The following P3H2 variants were observed in gnomAD, a reference collection of about 807,000 sequenced individuals.
P3H2 encodes prolyl 3-hydroxylase 2.
In P3H2, 80 loss-of-function variants were observed where a neutral mutation model predicts 87.0. The observed-to-expected ratio is 0.92, with a 90% CI of 0.77 to 1.11. The LOEUF (loss-of-function observed/expected upper bound fraction) is 1.11. P3H2 is among the 50% of genes least tolerant of loss of function. The pLI is 0.00. For synonymous variants in P3H2, 367 were observed against 359.3 expected, an observed-to-expected ratio of 1.02 and a Z score of -0.24; for missense variants, 1,001 against 923.9, an observed-to-expected ratio of 1.08 and a Z score of -1.08.
chr3:189,980,971 A>T (rs1484413174), intron 8 of P3H2, among the ~76,000 whole-genome samples: 1 of 152,188 alleles, frequency 6.6e-6, no homozygotes, highest in Non-Finnish European at 1.5e-5. Context: ...GCTCTATAAA[A>T]ACTCTTGAAC....
At chr3:190,089,293 C>G (rs7646107) in intron 1 of P3H2, among the ~76,000 whole-genome samples, 1 of 152,136 alleles carries the variant, frequency 6.6e-6, no homozygotes, top group Non-Finnish European at 1.5e-5. Flanking sequence ...GGGTGCAGCA[C>G]ACCAACATAG....
At chr3:190,063,004 C>T (rs947761154) in intron 1 of P3H2, among the ~76,000 whole-genome samples, 4 of 152,136 alleles carry the variant, frequency 2.6e-5, no homozygotes, top group African/African-American at 7.2e-5. Flanking sequence ...GAGCTTTCAT[C>T]ATTAAGACTT....
chr3:190,033,764 A>G (rs1725329077), intron 1 of P3H2, among the ~76,000 whole-genome samples: 1 of 152,220 alleles, frequency 6.6e-6, no homozygotes, highest in South Asian at 2.1e-4. Flanking sequence ...CCCATGATTT[A>G]AGCTATTTGC....
chr3:190,009,278 G>A (rs1435221582), intron 1 of P3H2, among the ~76,000 whole-genome samples: 2 of 152,176 alleles, frequency 1.3e-5, no homozygotes, highest in Non-Finnish European at 2.9e-5. Flanking sequence ...CATGAAACTT[G>A]TAAAGCAACT....
intron 1 of P3H2, among the ~76,000 whole-genome samples, chr3:190,101,045 C>T (rs1711607139): frequency 1.3e-5 from 2 of 152,030 alleles, no homozygotes; most frequent in African/African-American, 4.8e-5. Context: ...ACTATTGCAG[C>T]TGGTTCGGGC....
chr3:190,000,186 ACTT>A (rs1724167228), intron 1 of P3H2, among the ~76,000 whole-genome samples: 1 of 152,262 alleles, frequency 6.6e-6, no homozygotes. Flanking sequence ...TCCTGGCATC[ACTT>A]CTTCCTCTCT....
At chr3:190,058,181 C>A (rs973699653) in intron 1 of P3H2, among the ~76,000 whole-genome samples, 7 of 152,058 alleles carry the variant, frequency 4.6e-5, no homozygotes, top group African/African-American at 1.7e-4. Flanking sequence ...CCCTAAGGGG[C>A]CAGCAAAATG....
chr3:190,066,251 A>AAT (rs972411536), intron 1 of P3H2, among the ~76,000 whole-genome samples: 14 of 151,268 alleles, frequency 9.3e-5, no homozygotes, highest in South Asian at 2.1e-4. Flanking sequence ...TATATGATGG[A>AAT]ATATATATAT....
chr3:190,084,496 G>A (rs908329576), intron 1 of P3H2, among the ~76,000 whole-genome samples: 2 of 152,222 alleles, frequency 1.3e-5, no homozygotes, highest in African/African-American at 4.8e-5. Context: ...AGACCTAAAC[G>A]CACATTTAAA....
At chr3:190,034,857 T>TC (rs1455150873) in intron 1 of P3H2, among the ~76,000 whole-genome samples, 4 of 151,096 alleles carry the variant, frequency 2.6e-5, no homozygotes, top group Admixed American at 1.3e-4. Context: ...TCTTTTCTTT[T>TC]TTTTTTTTTG....
intron 1 of P3H2, among the ~76,000 whole-genome samples, chr3:190,075,657 A>C (rs953540685): frequency 1.3e-5 from 2 of 152,134 alleles, no homozygotes; most frequent in African/African-American, 4.8e-5. Flanking sequence ...CCTTGAAAAC[A>C]AAGGTGGGAT....
At chr3:189,961,171 C>T (rs1400659387) in intron 14 of P3H2, among the ~76,000 whole-genome samples, 1 of 152,112 alleles carries the variant, frequency 6.6e-6, no homozygotes, top group African/African-American at 2.4e-5. Context: ...GAACCCCTGA[C>T]CTCAGGTGAT....
At chr3:190,084,916 T>C (rs1727161093) in intron 1 of P3H2, among the ~76,000 whole-genome samples, 1 of 151,358 alleles carries the variant, frequency 6.6e-6, no homozygotes, top group African/African-American at 2.4e-5. Flanking sequence ...TAATTCCTTT[T>C]ACCCAGTTTT....
intron 1 of P3H2, among the ~76,000 whole-genome samples, chr3:190,068,471 A>T (rs1053664776): frequency 6.6e-6 from 1 of 152,178 alleles, no homozygotes; most frequent in African/African-American, 2.4e-5. Context: ...GTTACCCCAC[A>T]CCCTTTGTCT....
chr3:190,037,401 T>A (rs1225658560), intron 1 of P3H2, among the ~76,000 whole-genome samples: 1 of 152,112 alleles, frequency 6.6e-6, no homozygotes, highest in African/African-American at 2.4e-5. Context: ...TTTTATGTGC[T>A]TCATAGATCC....
Position 189,995,431 on chromosome 3 carries a change from G to T in P3H2, c.492C>A (p.Leu164=). The change falls in exon 2 of 15, where the codon CTC becomes CTA. Residue 164 remains leucine, a synonymous_variant. Transcript: ENST00000319332. The part of the protein sequence containing the change: ...LQRAYIKLNQ[L]EKAVEAAHTF... ...TGTGAGCTGCTTCCACTGCTTTTTC[G>T]AGCTGGTTAAGCTAAAGAGAAAAAA... 1 of 1,613,446 alleles carries T rather than the reference G, an allele frequency of 6.2e-7. No homozygotes were observed. The highest frequency in any genetic ancestry group is 1.3e-5 in the African/African-American group (1 of 74,922).
At chr3:190,072,670 AAC>A (rs1233653811) in intron 1 of P3H2, among the ~76,000 whole-genome samples, 3 of 151,866 alleles carry the variant, frequency 2.0e-5, no homozygotes, top group African/African-American at 4.8e-5. Flanking sequence ...ATGCTCATAT[AAC>A]AGTTATACTA....
At chr3:190,055,711 C>A (rs576187122) in intron 1 of P3H2, among the ~76,000 whole-genome samples, 1 of 152,018 alleles carries the variant, frequency 6.6e-6, no homozygotes, top group South Asian at 2.1e-4. Flanking sequence ...ATAGATTCAG[C>A]GTTCCAAGAA....
chr3:189,976,989 A>G (rs1260158302), intron 8 of P3H2, among the ~76,000 whole-genome samples: 2 of 152,234 alleles, frequency 1.3e-5, no homozygotes, highest in Non-Finnish European at 2.9e-5. Flanking sequence ...AACTTTTAAT[A>G]TGTGAACAGG....
Sources: allele counts gnomAD v4.1 joint callset (sites outside exome capture counted in the v4.1 genomes callset), GRCh38; gene constraint gnomAD v4.1.1; transcripts MANE v1.5; gene names NCBI Gene and HGNC (gene_info 2026-07-23, HGNC 2026-07-21).